Variants in PKMYT1 observed in about 807,000 individuals in gnomAD.
PKMYT1 encodes membrane-associated tyrosine- and threonine-specific cdc2-inhibitory kinase.
PKMYT1 carries 35 observed loss-of-function variants against 49.7 expected under a neutral mutation model. The observed-to-expected ratio is 0.70, with a 90% CI of 0.54 to 0.93. The LOEUF (loss-of-function observed/expected upper bound fraction) is 0.93, where lower values mean the gene tolerates loss of function less well. Ranked by LOEUF, PKMYT1 falls within the 40% of genes least tolerant of loss-of-function variation. PKMYT1 has a pLI of 0.00. For missense variants in PKMYT1, 677 were observed against 673.1 expected (o/e 1.01, Z -0.06); for synonymous variants, 331 against 287.6 (o/e 1.15, Z -1.53).
At chr16:2,974,889 G>T in intron 4 of PKMYT1, 1 of 580,834 alleles carries the variant, frequency 1.7e-6, no homozygotes, top group South Asian at 2.1e-5. Context: ...CCACAGTGGT[G>T]AGTCCTCCCA....
chr16:2,974,727 C>G, intron 4 of PKMYT1, 71 bp from the exon 5 acceptor site: 1 of 1,018,798 alleles, frequency 9.8e-7, no homozygotes, highest in Non-Finnish European at 1.5e-6. Context: ...CCAGGGCTGC[C>G]TCTTGGAGGT....
Position 2,972,974 on chromosome 16 carries a change from C to G in PKMYT1, c.1479G>C (p.Glu493Asp). Residue 493 changes from glutamate (E) to aspartate (D), a missense_variant, in exon 9 of 9, where the codon GAG becomes GAC. Glu to Asp is a conservative substitution (Grantham distance 45). Transcript: ENST00000262300. Reference protein sequence around the residue: ...FEPRNLLSLFEDTLDPT With the variant: ...FEPRNLLSLFDDTLDPT ...GGGCTCAGGTTGGGTCTAGGGTGTC[C>G]TCAAACAGGCTGAGGAGGTTCCGAG... 1 of 1,609,110 alleles carries G rather than the reference C, an allele frequency of 6.2e-7. No individual in the cohort carries two copies. The highest frequency in any genetic ancestry group is 1.3e-5 in the African/African-American group (1 of 75,016).
chr16:2,973,505 C>T (rs1221867174), intron 7 of PKMYT1: 3 of 1,397,284 alleles, frequency 2.1e-6, no homozygotes, highest in East Asian at 2.9e-5. Context: ...AACTTCTTGT[C>T]TGCTATCAAG....
At chr16:2,974,501 T>C in intron 5 of PKMYT1, 49 bp downstream of exon 5, 25 of 1,530,176 alleles carry the variant, frequency 1.6e-5, no homozygotes, top group Non-Finnish European at 2.1e-5. Context: ...CCAGCCACTA[T>C]CTCCCCAGGA....
chr16:2,978,747 CAAA>C (rs145730606), intron 2 of PKMYT1, among the ~76,000 whole-genome samples: 2 of 133,844 alleles, frequency 1.5e-5, no homozygotes, highest in Admixed American at 7.4e-5. Flanking sequence ...GACTCTGTCT[CAAA>C]AAAAAAAAAA....
At chr16:2,978,167 C>T (rs770703222) in intron 2 of PKMYT1, among the ~76,000 whole-genome samples, 5 of 152,126 alleles carry the variant, frequency 3.3e-5, no homozygotes, top group African/African-American at 4.8e-5. Flanking sequence ...TAGGGGTAGA[C>T]GTAGGTCATA....
At chr16:2,973,278 C>A in intron 7 of PKMYT1, 63 bp from the exon 8 acceptor site, 1 of 1,495,266 alleles carries the variant, frequency 6.7e-7, no homozygotes, top group Non-Finnish European at 8.9e-7. Context: ...ATGAAACCAG[C>A]TCTGTCCCTG....
chr16:2,974,062 T>C lies in PKMYT1; in HGVS notation c.1248A>G (p.Ser416=). ...TGTCCAGGAGCAAACTGCAGGGTGGTGAGCCAGGCGGGGTGGCTGGCGGGC... is the reference window on the plus strand; with the variant it reads ...TGTCCAGGAGCAAACTGCAGGGTGGCGAGCCAGGCGGGGTGGCTGGCGGGC... ...PLGPPATPPG[S]PPCSLLLDSS... is the part of the protein sequence containing the mutation. Residue 416 remains serine (S), a synonymous_variant, in exon 7 of 9, where the codon TCA becomes TCG. Transcript: ENST00000262300. 1.2e-6 allele frequency: 2 copies of C among 1,611,964 alleles called. No individual in the cohort carries two copies. Among genetic ancestry groups the C allele is most frequent in the Non-Finnish European group, 1.7e-6 (2 of 1,179,662 alleles).
rs746755189 is a variant in PKMYT1 at position 2,975,735 on chromosome 16, G to A, written c.456C>T (p.Ala152=). 125 of 1,603,458 alleles carry A rather than the reference G, an allele frequency of 7.8e-5. No homozygotes were observed. Among genetic ancestry groups the A allele is most frequent in the Admixed American group, 6.8e-4 (41 of 59,990 alleles). Residue 152 remains alanine, a synonymous_variant, in exon 4 of 9, where the codon GCC becomes GCT. Transcript: ENST00000262300. The part of the protein sequence containing the change: ...MSPFRGPKDR[A]RKLAEVGSHE... ...GGCTGCCCACCTCGGCCAACTTGCG[G>A]GCCCGGTCCTTGGGGCCCCGGAATG...
At chr16:2,979,954 G>A (rs373940742) in intron 1 of PKMYT1, 42 bp from the exon 2 acceptor site, 2 of 483,508 alleles carry the variant, frequency 4.1e-6, no homozygotes, top group East Asian at 3.6e-5. Flanking sequence ...GAGGGAAGAG[G>A]GGCTGTTGCA....
rs1464217354 is a variant in PKMYT1 at position 2,974,566 on chromosome 16, G to A, written c.963C>T (p.Pro321=). 3.8e-6 allele frequency: 6 copies of A among 1,577,554 alleles called. No individual in the cohort carries two copies. Among genetic ancestry groups the A allele is most frequent in the Non-Finnish European group, 5.2e-6 (6 of 1,161,702 alleles). The change falls in exon 5 of 9, where the codon CCC becomes CCT. Residue 321 remains proline (P), a synonymous_variant. Transcript: ENST00000262300. ...CCTACTCACCGGCAGTGAACTCAGG[G>A]GGCAGGTAGCCCTGGCGCAGCTGCT... The part of the protein sequence containing the change: ...GWQQLRQGYL[P]PEFTAGLSSE...
Position 2,972,947 on chromosome 16 carries a change from TG to T in PKMYT1, c.*5del. ...AGGTTAAAAGTGCAGAGGCAGAGTC[TG>T]GGGCTCAGGTTGGGTCTAGGGTGTC... is the stretch of plus-strand genomic sequence containing the variant. On this transcript the variant is annotated 3_prime_UTR_variant, in exon 9 of 9. Coordinates refer to ENST00000262300, the MANE Select transcript of PKMYT1 (RefSeq NM_004203.5). The T allele has an allele frequency of 1.3e-6, 2 of 1,599,540 alleles. No homozygotes were observed. Among genetic ancestry groups the T allele is most frequent in the Admixed American group, 1.7e-5 (1 of 57,504 alleles).
rs1674438077 is a variant in PKMYT1, at chr16:2,973,075, A to G, written c.1389-11T>C. ...AGGTCCAGGGCATCCCTGGGAGGAG[A>G]GAGTAGTGACACTCAGGATCCAAAA... On this transcript the variant is annotated splice_polypyrimidine_tract_variant and intron_variant, in intron 8 of 8. Coordinates refer to ENST00000262300, the MANE Select transcript of PKMYT1 (RefSeq NM_004203.5). 6.3e-7 allele frequency: 1 copy of G among 1,589,086 alleles called. No individual in the cohort carries two copies. Among genetic ancestry groups the G allele is most frequent in the African/African-American group, 1.3e-5 (1 of 74,702 alleles).
chr16:2,976,895 C>A lies in PKMYT1; in HGVS notation c.147G>T (p.Arg49=), dbSNP rs778225060. 4 of 1,536,654 alleles carry A rather than the reference C, an allele frequency of 2.6e-6. No homozygotes were observed. In the Admixed American group the frequency reaches 8.0e-5, roughly 31 times the overall value. The change falls in exon 3 of 9, where the codon CGG becomes CGT. Residue 49 remains arginine, a synonymous_variant. Coordinates refer to ENST00000262300, the MANE Select transcript of PKMYT1 (RefSeq NM_004203.5). ...TGGCAGGGGGCGGAGGTGGGAGGCT[C>A]CGGCTGAGCCCCCTGGGCCTCTTGA... The part of the protein sequence containing the change: ...FSLKRPRGLS[R]SLPPPPPAKG...
intron 4 of PKMYT1, 134 bp from the exon 5 acceptor site, chr16:2,974,790 G>A: frequency 1.6e-6 from 1 of 631,278 alleles, no homozygotes; most frequent in Non-Finnish European, 2.8e-6. Context: ...GAAGCAGGGG[G>A]AAGGGACACC....
chr16:2,973,558 A>T, intron 7 of PKMYT1: 1 of 834,290 alleles, frequency 1.2e-6, no homozygotes, highest in Non-Finnish European at 1.7e-6. Flanking sequence ...GAAGGGGCTA[A>T]CGGCAGAGTC....
chr16:2,977,602 G>T, intron 2 of PKMYT1: 1 of 613,860 alleles, frequency 1.6e-6, no homozygotes, highest in Non-Finnish European at 2.0e-6. Context: ...AGCACTGAAA[G>T]CCTCTGGGCA....
Position 2,973,111 on chromosome 16 carries a change from C to G in PKMYT1, c.1388+27G>C, listed in dbSNP as rs755863227. 8.3e-6 allele frequency: 13 copies of G among 1,562,252 alleles called. No individual in the cohort carries two copies. In the South Asian group the frequency reaches 1.5e-4, roughly 18 times the overall value. On this transcript the variant is annotated intron_variant, in intron 8 of 8. Transcript: ENST00000262300. ...ACTCAGGATCCAAAAGCTAGCCCTG[C>G]CCACCCCAGCCCCTGGACCTGCTTA...
intron 2 of PKMYT1, 95 bp from the exon 3 acceptor site, chr16:2,977,126 G>A: frequency 3.9e-6 from 6 of 1,552,444 alleles, no homozygotes; most frequent in South Asian, 3.5e-5. Flanking sequence ...AGAGAGCTAT[G>A]TCTATACCAC....
Sources: gnomAD v4.1 joint callset for allele counts (sites outside exome capture counted in the v4.1 genomes callset) on GRCh38, gnomAD v4.1.1 for gene constraint, MANE v1.5 for transcripts, NCBI Gene and HGNC (gene_info 2026-07-23, HGNC 2026-07-21) for gene names.